PLXNB1: variants seen among roughly 807,000 people sequenced by gnomAD.
The protein encoded by PLXNB1 is plexin-B1.
PLXNB1 carries 106 observed loss-of-function variants against 209.4 expected under a neutral mutation model. The ratio of observed to expected loss-of-function variants is 0.51; its 90% CI spans 0.43 to 0.59. The LOEUF (loss-of-function observed/expected upper bound fraction) is 0.59. Among genes scored for constraint, PLXNB1 ranks in the 20% least tolerant of loss-of-function variants. The probability of loss-of-function intolerance (pLI) is 0.00; values close to 1 mark genes in which losing one functional copy is unlikely to be tolerated. For missense variants in PLXNB1, 2,357 were observed against 2,853.2 expected (o/e 0.83, Z 3.96); for synonymous variants, 1,167 against 1,183.2 (o/e 0.99, Z 0.28).
intron 34 of PLXNB1, among the ~76,000 whole-genome samples, chr3:48,408,736 C>T (rs2037467119): frequency 6.6e-6 from 1 of 152,166 alleles, no homozygotes; most frequent in Non-Finnish European, 1.5e-5. Flanking sequence ...GGAAACCCCA[C>T]AAACACCAGA....
Position 48,410,696 on chromosome 3 carries a change from G to A in PLXNB1, c.5417-138C>T. Reference sequence around the variant, plus strand: ...CAACCTCTCCAAAGACCAAGAGCAGGGACCCCCTCCCCAGATGAGAGGCTG... The same window carrying A: ...CAACCTCTCCAAAGACCAAGAGCAGAGACCCCCTCCCCAGATGAGAGGCTG... On this transcript the variant is annotated intron_variant, in intron 29 of 37. Coordinates refer to ENST00000296440, the MANE Select transcript of PLXNB1 (RefSeq NM_001130082.3). This position sits in a 1 kb window ranked among gnomAD's most constrained non-coding sequence, Gnocchi z 6.4. 1.1e-6 allele frequency: 1 copy of A among 941,884 alleles called. No individual in the cohort carries two copies. Among genetic ancestry groups the A allele is most frequent in the Non-Finnish European group, 1.6e-6 (1 of 619,956 alleles). The allele number at this position is 941,884 out of a possible 1,614,324, so 58.3% of individuals were successfully genotyped here. A position where few individuals can be genotyped will look rare whatever the true frequency, so the allele number is the denominator to read the frequency against.
chr3:48,426,774 C>T (rs1391212545), intron 1 of PLXNB1, among the ~76,000 whole-genome samples: 1 of 152,126 alleles, frequency 6.6e-6, no homozygotes, highest in Non-Finnish European at 1.5e-5. Context: ...GTTAGCCACC[C>T]AAGGGGGCGG....
In PLXNB1 at chr3:48,406,775, T is replaced by C. The variant is rs1460662954; in HGVS notation, c.6228+48A>G. 6.5e-7 allele frequency: 1 copy of C among 1,546,880 alleles called. No homozygotes were observed. The highest frequency in any genetic ancestry group is 2.4e-5 in the East Asian group (1 of 41,548). On this transcript the variant is annotated intron_variant, in intron 36 of 37. Transcript: ENST00000296440. The surrounding 1 kb of genome is among the most constrained non-coding windows in gnomAD (Gnocchi z 4.4). ...GGCAGTGTGAAGGGGGAAGGACCGT[T>C]GTGGCAGGAGGCCTATGCCCAACCC...
chr3:48,419,576 C>T lies in PLXNB1; in HGVS notation c.2709+1G>A. The stretch of plus-strand genomic sequence containing the variant: ...GGCCTCCTTCCTGGGCTGGGCCTCA[C>T]CAGCTCCCAGAGCCCGGGGGTGTCA... On this transcript the variant is annotated splice_donor_variant, in intron 11 of 37. Transcript: ENST00000296440. LOFTEE classifies it high-confidence loss of function. The surrounding 1 kb of genome is among the most constrained non-coding windows in gnomAD (Gnocchi z 5.7). The T allele has an allele frequency of 6.2e-7, 1 of 1,603,536 alleles. No homozygotes were observed. The highest frequency in any genetic ancestry group is 1.7e-5 in the Admixed American group (1 of 59,828).
intron 8 of PLXNB1, 77 bp downstream of exon 8, chr3:48,421,151 G>A: frequency 1.3e-6 from 2 of 1,523,114 alleles, no homozygotes; most frequent in Non-Finnish European, 1.8e-6. Context: ...CTCTTTGCCT[G>A]GATTCACACT....
chr3:48,414,660 C>T, intron 21 of PLXNB1, 139 bp downstream of exon 21: 1 of 1,160,156 alleles, frequency 8.6e-7, no homozygotes, highest in East Asian at 2.4e-5. Flanking sequence ...CCCCTCTGCC[C>T]CCACCACAGC....
Position 48,417,690 on chromosome 3 carries a change from G to A in PLXNB1, c.3374+221C>T, listed in dbSNP as rs747148048. Reference sequence around the variant, plus strand: ...CCACGAGTCAGTTCTGGGCAGTGACGGGCCCAGGAAGGATTCCCCAGCAGC... The same window carrying A: ...CCACGAGTCAGTTCTGGGCAGTGACAGGCCCAGGAAGGATTCCCCAGCAGC... On this transcript the variant is annotated intron_variant, in intron 16 of 37. Transcript: ENST00000296440. This position sits in a 1 kb window ranked among gnomAD's most constrained non-coding sequence, Gnocchi z 4.4. Among the ~76,000 whole-genome samples, 9 of 152,168 alleles carry A rather than the reference G, an allele frequency of 5.9e-5. No individual in the cohort carries two copies. The highest frequency in any genetic ancestry group is 3.3e-4 in the Admixed American group (5 of 15,284).
chr3:48,412,691 TG>T (rs765667799), intron 25 of PLXNB1, 50 bp downstream of exon 25: 1 of 1,604,156 alleles, frequency 6.2e-7, no homozygotes, highest in South Asian at 1.1e-5. Flanking sequence ...AACCATGCCC[TG>T]GAGAAGGGGC....
At position 48,418,010 on chromosome 3, in the gene PLXNB1, C is replaced by G; in HGVS notation, c.3275G>C (p.Gly1092Ala). Residue 1092 changes from glycine to alanine, a missense_variant, in exon 16 of 38, where the codon GGC becomes GCC. Physicochemically the swap from Gly to Ala is moderately conservative, Grantham distance 60 (BLOSUM62 0). Around this residue, in one of 7 missense-constraint regions of PLXNB1, gnomAD observed 743 missense variants for 896.2 expected, o/e 0.83. Transcript: ENST00000296440. The surrounding 1 kb of genome is among the most constrained non-coding windows in gnomAD (Gnocchi z 6.6). ...VDGGTRVTIR[G>A]SNLGQHVQDV... ...CTGCACATGCTGGCCCAGGTTGGAG[C>G]CCCTGATGGTGACACGGGTGCCTCC... The G allele has an allele frequency of 6.2e-7, 1 of 1,613,510 alleles. No individual in the cohort carries two copies. Among genetic ancestry groups the G allele is most frequent in the Non-Finnish European group, 8.5e-7 (1 of 1,180,012 alleles).
At chr3:48,428,868 G>C (rs534393811) in intron 1 of PLXNB1, among the ~76,000 whole-genome samples, 1 of 122,974 alleles carries the variant, frequency 8.1e-6, no homozygotes, top group Non-Finnish European at 1.6e-5. Flanking sequence ...CAGTCCCACC[G>C]GGAGCAGCCA....
Position 48,416,341 on chromosome 3 carries a change from G to C in PLXNB1, c.3480+5C>G. Reference sequence around the variant, plus strand: ...GCAGCTGGGGGTGGCTCAGCAGTCAGGTACCTGGTAGGCAAAGTCGTGTTC... The same window carrying C: ...GCAGCTGGGGGTGGCTCAGCAGTCACGTACCTGGTAGGCAAAGTCGTGTTC... On this transcript the variant is annotated splice_donor_5th_base_variant and intron_variant, in intron 17 of 37. Transcript: ENST00000296440. The surrounding 1 kb of genome is among the most constrained non-coding windows in gnomAD (Gnocchi z 4.1). The C allele has an allele frequency of 1.9e-6, 3 of 1,608,234 alleles. No individual in the cohort carries two copies. Among genetic ancestry groups the C allele is most frequent in the Non-Finnish European group, 2.6e-6 (3 of 1,176,100 alleles).
In PLXNB1 at chr3:48,418,271, G is replaced by A. The variant is rs377498796; in HGVS notation, c.3142C>T (p.Arg1048Cys). ...QYGCVWCEGE[R>C]PRCVTREACG... ...GCCTCCCGGGTCACACAACGTGGAC[G>A]CTCCCCCTCACACCACACACAGCCA... Residue 1048 changes from arginine to cysteine, a missense_variant, in exon 15 of 38, where the codon CGT becomes TGT. Physicochemically the swap from Arg to Cys is radical, Grantham distance 180. Coordinates refer to ENST00000296440, the MANE Select transcript of PLXNB1 (RefSeq NM_001130082.3). The surrounding 1 kb of genome is among the most constrained non-coding windows in gnomAD (Gnocchi z 6.6). 1.1e-5 allele frequency: 18 copies of A among 1,613,598 alleles called. No homozygotes were observed. The highest frequency in any genetic ancestry group is 8.8e-5 in the South Asian group (8 of 91,084).
Position 48,419,439 on chromosome 3 carries a change from C to T in PLXNB1, c.2710-73G>A, listed in dbSNP as rs1560065074. On this transcript the variant is annotated intron_variant, in intron 11 of 37. Transcript: ENST00000296440. The surrounding 1 kb of genome is among the most constrained non-coding windows in gnomAD (Gnocchi z 5.7). ...CTCAGCCCTCTGCCTTGCCAGATTC[C>T]AGAGGCAAGGCCGGTGTGGGGCTGC... 1 of 1,510,540 alleles carries T rather than the reference C, an allele frequency of 6.6e-7. No individual in the cohort carries two copies. Among genetic ancestry groups the T allele is most frequent in the Admixed American group, 2.2e-5 (1 of 46,222 alleles). The allele number at this position is 1,510,540 out of a possible 1,614,324, so 93.6% of individuals were successfully genotyped here. A position where few individuals can be genotyped will look rare whatever the true frequency, so the allele number is the denominator to read the frequency against.
chr3:48,409,509 G>C lies in PLXNB1; in HGVS notation c.5940-33C>G. The C allele has an allele frequency of 1.9e-6, 3 of 1,614,072 alleles. No individual in the cohort carries two copies. The highest frequency in any genetic ancestry group is 2.5e-6 in the Non-Finnish European group (3 of 1,179,976). On this transcript the variant is annotated intron_variant, in intron 33 of 37. Coordinates refer to ENST00000296440, the MANE Select transcript of PLXNB1 (RefSeq NM_001130082.3). The surrounding 1 kb of genome is among the most constrained non-coding windows in gnomAD (Gnocchi z 5.8). The stretch of plus-strand genomic sequence containing the variant: ...TGGGGCAGGCATGGCCGATGAATGT[G>C]CTGGGGAGGCAGAAGAGAAGACCCC...
In PLXNB1 at chr3:48,418,811, G is replaced by A. The variant is rs115254672; in HGVS notation, c.2955+106C>T. 1,002 of 1,408,264 alleles carry A rather than the reference G, an allele frequency of 7.1e-4. 8 individuals are homozygous for A. The African/African-American group carries it at 0.012, about 17-fold the overall frequency. 87.2% of individuals were successfully genotyped at this position (1,408,264 alleles called of 1,614,324 possible). On this transcript the variant is annotated intron_variant, in intron 13 of 37. Transcript: ENST00000296440. This position sits in a 1 kb window ranked among gnomAD's most constrained non-coding sequence, Gnocchi z 6.6. Reference sequence around the variant, plus strand: ...TGTGGAGACTCCCTCAGGGCGACACGGTCAGAGCGTGGCTCTGGAAAGTGT... The same window carrying A: ...TGTGGAGACTCCCTCAGGGCGACACAGTCAGAGCGTGGCTCTGGAAAGTGT...
At chr3:48,428,311 C>A (rs1469284366) in intron 1 of PLXNB1, among the ~76,000 whole-genome samples, 1 of 152,172 alleles carries the variant, frequency 6.6e-6, no homozygotes, top group Non-Finnish European at 1.5e-5. Context: ...CAGCCAGGAT[C>A]TCCTGCCCAT....
At position 48,419,655 on chromosome 3, in the gene PLXNB1, C is replaced by A. The variant is rs776871720; in HGVS notation, c.2631G>T (p.Glu877Asp). The A allele has an allele frequency of 6.2e-6, 10 of 1,612,560 alleles. No individual in the cohort carries two copies. Among genetic ancestry groups the A allele is most frequent in the Non-Finnish European group, 8.5e-6 (10 of 1,179,988 alleles). ...TGAGGGGGGCGGGAGGGCCCTCAAG[C>A]TCTGCTGAGTCTCCATCACCTGAGA... ...TLLSGDGDSA[E>D]LEGPPAPLIL... The change falls in exon 11 of 38, where the codon GAG (glutamate) becomes GAT (aspartate). Residue 877 changes from glutamate to aspartate, a missense_variant. Transcript: ENST00000296440. This position sits in a 1 kb window ranked among gnomAD's most constrained non-coding sequence, Gnocchi z 5.7.
chr3:48,418,533 C>T lies in PLXNB1; in HGVS notation c.2965G>A (p.Glu989Lys). 5 of 1,598,892 alleles carry T rather than the reference C, an allele frequency of 3.1e-6. No homozygotes were observed. Among genetic ancestry groups the T allele is most frequent in the Non-Finnish European group, 4.3e-6 (5 of 1,173,502 alleles). ...ACACGGAGCTCCGGCTGCAGAGCCT[C>T]ATAGCTGAGCTGGAGAAATGGGAGT... is the stretch of plus-strand genomic sequence containing the variant. ...VTCQQHQLSY[E>K]ALQPELRVGL... The change falls in exon 14 of 38, where the codon GAG becomes AAG. Residue 989 changes from glutamate (E) to lysine (K), a missense_variant. Physicochemically the swap from Glu to Lys is moderately conservative, Grantham distance 56. Transcript: ENST00000296440. The surrounding 1 kb of genome is among the most constrained non-coding windows in gnomAD (Gnocchi z 6.6).
chr3:48,420,307 G>A (rs1307721345), intron 10 of PLXNB1, 50 bp from the exon 11 acceptor site: 24 of 1,137,984 alleles, frequency 2.1e-5, no homozygotes, highest in Middle Eastern at 2.6e-4. Flanking sequence ...GCAGGCAGGC[G>A]CGGGACAGGA....
Sources: allele counts gnomAD v4.1 joint callset (sites outside exome capture counted in the v4.1 genomes callset), GRCh38; gene constraint gnomAD v4.1.1; regional missense constraint gnomAD v4.1.1; non-coding constraint Gnocchi (gnomAD v3.1); transcripts MANE v1.5; gene names NCBI Gene and HGNC (gene_info 2026-07-23, HGNC 2026-07-21).